Variants in MYBPC3 observed in about 807,000 individuals in gnomAD.
The protein encoded by MYBPC3 is myosin binding protein C3.
MYBPC3 carries 108 observed loss-of-function variants against 159.3 expected under a neutral mutation model. The observed-to-expected ratio is 0.68, with a 90% CI of 0.58 to 0.80. The LOEUF (loss-of-function observed/expected upper bound fraction) is 0.80, where lower values mean the gene tolerates loss of function less well. Ranked by LOEUF, MYBPC3 falls within the 30% of genes least tolerant of loss-of-function variation. The pLI, the probability that MYBPC3 is intolerant of heterozygous loss-of-function variation, is 0.00. For synonymous variants in MYBPC3, 730 were observed against 702.0 expected, an observed-to-expected ratio of 1.04 and a Z score of -0.63; for missense variants, 1,631 against 1,762.1, an observed-to-expected ratio of 0.93 and a Z score of 1.33.
At position 47,350,095 on chromosome 11, in the gene MYBPC3, G is replaced by C. The variant is rs2142868228; in HGVS notation, c.424C>G (p.Leu142Val). ...GGGGCTCCAGGGGTAGGACCATTGA[G>C]AGCTGCTGAGCTTGACCCTGTGAGC... is the stretch of plus-strand genomic sequence containing the variant. ...PSPKGSSSAA[L>V]NGPTPGAPDD... Residue 142 changes from leucine to valine, a missense_variant, in exon 4 of 35, where the codon CTC (leucine) becomes GTC (valine). Leu to Val is a conservative substitution (Grantham distance 32). Coordinates refer to ENST00000545968, the MANE Select transcript of MYBPC3 (RefSeq NM_000256.3). 6.4e-7 allele frequency: 1 copy of C among 1,556,228 alleles called. No individual in the cohort carries two copies. The highest frequency in any genetic ancestry group is 8.7e-7 in the Non-Finnish European group (1 of 1,149,640).
At chr11:47,333,429 C>A in intron 29 of MYBPC3, 96 bp from the exon 30 acceptor site, 1 of 1,503,070 alleles carries the variant, frequency 6.7e-7, no homozygotes, top group South Asian at 1.3e-5. Context: ...CAACCAGGGC[C>A]AGGCCTGCTG....
Position 47,342,864 on chromosome 11 carries a change from A to G in MYBPC3, c.1423T>C (p.Cys475Arg), listed in dbSNP as rs760864668. The G allele has an allele frequency of 6.2e-7, 1 of 1,613,040 alleles. No homozygotes were observed. The highest frequency in any genetic ancestry group is 1.1e-5 in the South Asian group (1 of 90,956). Residue 475 changes from cysteine (C) to arginine (R), a missense_variant, in exon 16 of 35, where the codon TGT (cysteine) becomes CGT (arginine). Coordinates refer to ENST00000545968, the MANE Select transcript of MYBPC3 (RefSeq NM_000256.3). ...TGCGCCCCCTCCTCCGATACTTCACACTCAAACTCCACCCGCTGCCCCACC... is the reference window on the plus strand; with the variant it reads ...TGCGCCCCCTCCTCCGATACTTCACGCTCAAACTCCACCCGCTGCCCCACC... Reference protein sequence around the residue: ...VMVGQRVEFECEVSEEGAQVK... With the variant: ...VMVGQRVEFEREVSEEGAQVK...
At position 47,333,259 on chromosome 11, in the gene MYBPC3, G is replaced by C; in HGVS notation, c.3265C>G (p.Pro1089Ala). The C allele has an allele frequency of 6.3e-7, 1 of 1,587,196 alleles. No individual in the cohort carries two copies. The highest frequency in any genetic ancestry group is 8.6e-7 in the Non-Finnish European group (1 of 1,166,264). ...AGCTCCGTGTTGCCGACATCCTGGG[G>C]TGGCTTCCACTCCAGAGCCACATTA... The part of the protein sequence containing the change: ...GLNVALEWKP[P>A]QDVGNTELWG... The change falls in exon 30 of 35, where the codon CCC becomes GCC. Residue 1089 changes from proline (P) to alanine (A), a missense_variant. By Grantham distance (27) the Pro-to-Ala change is conservative. Transcript: ENST00000545968.
At position 47,342,609 on chromosome 11, in the gene MYBPC3, C is replaced by G. The variant is rs727503199; in HGVS notation, c.1593G>C (p.Gly531=). The G allele has an allele frequency of 1.2e-6, 2 of 1,611,980 alleles. No individual in the cohort carries two copies. The highest frequency in any genetic ancestry group is 1.7e-6 in the Non-Finnish European group (2 of 1,178,792). ...CAATGAGCTCAGCCAGCGCCTGGCC[C>G]CCGCTAGTGCACAGTGCATAGTGCC... ...DAGHYALCTS[G]GQALAELIVQ... Residue 531 remains glycine (G), a synonymous_variant, in exon 17 of 35, where the codon GGG becomes GGC. Coordinates refer to ENST00000545968, the MANE Select transcript of MYBPC3 (RefSeq NM_000256.3).
rs2095884321 is a variant in MYBPC3 at position 47,338,061 on chromosome 11, G to A, written c.2309-267C>T. Among the ~76,000 whole-genome samples the A allele has an allele frequency of 6.7e-6, 1 of 150,274 alleles. No individual in the cohort carries two copies. Among genetic ancestry groups the A allele is most frequent in the African/African-American group, 2.5e-5 (1 of 40,674 alleles). On this transcript the variant is annotated intron_variant, in intron 23 of 34. Transcript: ENST00000545968. The surrounding 1 kb of genome is among the most constrained non-coding windows in gnomAD (Gnocchi z 4.7). Reference sequence around the variant, plus strand: ...CGCCAGCCCTCCGTCAACCCTTTAAGGCTTCTCACTGCCCATATTCACCCC... The same window carrying A: ...CGCCAGCCCTCCGTCAACCCTTTAAAGCTTCTCACTGCCCATATTCACCCC...
rs758253767 is a variant in MYBPC3, at chr11:47,343,090, A to G, written c.1282T>C (p.Leu428=). Residue 428 remains leucine (L), a synonymous_variant, in exon 15 of 35, where the codon TTG becomes CTG. Transcript: ENST00000545968. ...CACTGGTAGGCTGCGTCGTCCGCCA[A>G]TGAGCACTGGCTGATGGTCAGGGTA... ...KRTLTISQCS[L]ADDAAYQCVV... 4.8e-5 allele frequency: 78 copies of G among 1,612,298 alleles called. No homozygotes were observed. Among genetic ancestry groups the G allele is most frequent in the East Asian group, 1.8e-4 (8 of 44,846 alleles).
chr11:47,351,539 G>A lies in MYBPC3; in HGVS notation c.26-34C>T. The A allele has an allele frequency of 6.5e-7, 1 of 1,546,450 alleles. No individual in the cohort carries two copies. Among genetic ancestry groups the A allele is most frequent in the South Asian group, 1.2e-5 (1 of 81,572 alleles). On this transcript the variant is annotated intron_variant, in intron 1 of 34. Transcript: ENST00000545968. This position sits in a 1 kb window ranked among gnomAD's most constrained non-coding sequence, Gnocchi z 4.2. ...CCAGGTGGAGGCTACAGCGGCCCCT[G>A]GTTGGAGCGTGCACCCCGCCCCTGC...
At position 47,338,620 on chromosome 11, in the gene MYBPC3, G is replaced by T. The variant is rs2095885039; in HGVS notation, c.2208C>A (p.Phe736Leu). 6.2e-7 allele frequency: 1 copy of T among 1,613,980 alleles called. No individual in the cohort carries two copies. The change falls in exon 23 of 35, where the codon TTC becomes TTA. Residue 736 changes from phenylalanine (F) to leucine (L), a missense_variant. By Grantham distance (22) the Phe-to-Leu change is conservative. Transcript: ENST00000545968. This position sits in a 1 kb window ranked among gnomAD's most constrained non-coding sequence, Gnocchi z 4.7. ...RVETTKDRSI[F>L]TVEGAEKEDE... ...CTTCCTTCTCTGCCCCCTCGACCGTGAAGATGCTGCGGTCCTTGGTGGTCT... is the reference window on the plus strand; with the variant it reads ...CTTCCTTCTCTGCCCCCTCGACCGTTAAGATGCTGCGGTCCTTGGTGGTCT...
At chr11:47,345,267 G>A (rs866127326) in intron 12 of MYBPC3, among the ~76,000 whole-genome samples, 1 of 152,204 alleles carries the variant, frequency 6.6e-6, no homozygotes, top group Non-Finnish European at 1.5e-5. Context: ...GTGGCATTCA[G>A]GGGATCCCTG....
intron 7 of MYBPC3, 52 bp downstream of exon 7, chr11:47,347,805 G>C (rs11570059): frequency 1.9e-6 from 3 of 1,550,160 alleles, no homozygotes; most frequent in East Asian, 4.9e-5. Flanking sequence ...GACCCTGAAG[G>C]GCCTCAGACT....
rs1595843781 is a variant in MYBPC3, at chr11:47,337,584, C to T, written c.2414-5G>A. The T allele has an allele frequency of 6.2e-7, 1 of 1,613,986 alleles. No individual in the cohort carries two copies. Among genetic ancestry groups the T allele is most frequent in the East Asian group, 2.2e-5 (1 of 44,878 alleles). On this transcript the variant is annotated splice_polypyrimidine_tract_variant and splice_region_variant and intron_variant, in intron 24 of 34. Coordinates refer to ENST00000545968, the MANE Select transcript of MYBPC3 (RefSeq NM_000256.3). The stretch of plus-strand genomic sequence containing the variant: ...TCTTGCGCTCCAGGATGTAGCCTGG[C>T]TCAGGGGAGGTGGCAGCTCTGGTCT...
chr11:47,347,068 G>A (rs2095895060), intron 9 of MYBPC3, 39 bp from the exon 10 acceptor site: 1 of 866,630 alleles, frequency 1.2e-6, no homozygotes, highest in Non-Finnish European at 2.0e-6. Flanking sequence ...GAGGGGCCGG[G>A]GGAGAGGGAG....
Position 47,350,113 on chromosome 11 carries a change from C to T in MYBPC3, c.407-1G>A, listed in dbSNP as rs185449721. On this transcript the variant is annotated splice_acceptor_variant, in intron 3 of 34. Transcript: ENST00000545968. LOFTEE classifies it high-confidence loss of function. ...CCATTGAGAGCTGCTGAGCTTGACCCTGTGAGCAAAGGCTTTTTCTGTTTG... is the reference window on the plus strand; with the variant it reads ...CCATTGAGAGCTGCTGAGCTTGACCTTGTGAGCAAAGGCTTTTTCTGTTTG... The T allele has an allele frequency of 1.3e-6, 2 of 1,552,948 alleles. No individual in the cohort carries two copies. Among genetic ancestry groups the T allele is most frequent in the Non-Finnish European group, 8.7e-7 (1 of 1,147,928 alleles).
intron 1 of MYBPC3, among the ~76,000 whole-genome samples, chr11:47,352,279 C>T (rs372107734): frequency 1.3e-5 from 2 of 152,096 alleles, no homozygotes; most frequent in Non-Finnish European, 2.9e-5. Context: ...CCATACTAAA[C>T]GTGGGCTCTG....
rs2095891071 is a variant in MYBPC3 at position 47,343,367 on chromosome 11, T to C, written c.1224-105A>G. Reference sequence around the variant, plus strand: ...CGGCAGGAGCAAAAGGATGGGAAATTAGGCCCAGAGAGATGGGGCTGAGAG... The same window carrying C: ...CGGCAGGAGCAAAAGGATGGGAAATCAGGCCCAGAGAGATGGGGCTGAGAG... On this transcript the variant is annotated intron_variant, in intron 13 of 34. Coordinates refer to ENST00000545968, the MANE Select transcript of MYBPC3 (RefSeq NM_000256.3). 3 of 1,478,980 alleles carry C rather than the reference T, an allele frequency of 2.0e-6. No individual in the cohort carries two copies. In the Admixed American group the frequency reaches 7.0e-5, roughly 35 times the overall value. 91.6% of individuals were successfully genotyped at this position (1,478,980 alleles called of 1,614,324 possible). A position where few individuals can be genotyped will look rare whatever the true frequency, so the allele number is the denominator to read the frequency against.
rs1278226452 is a variant in MYBPC3 at position 47,332,213 on chromosome 11, C to T, written c.3673G>A (p.Ala1225Thr). ...TGCTTGCTGAACATGCGGAAGCGGG[C>T]GTCTTCTCCCAGGTCCAGGCCATTC... ...FKNGLDLGED[A>T]RFRMFSKQGV... is the part of the protein sequence containing the mutation. Residue 1225 changes from alanine (A) to threonine (T), a missense_variant, in exon 33 of 35, where the codon GCC (alanine) becomes ACC (threonine). By Grantham distance (58) the Ala-to-Thr change is moderately conservative (BLOSUM62 0). Transcript: ENST00000545968. This position sits in a 1 kb window ranked among gnomAD's most constrained non-coding sequence, Gnocchi z 4.2. 15 of 1,613,734 alleles carry T rather than the reference C, an allele frequency of 9.3e-6. No homozygotes were observed. The highest frequency in any genetic ancestry group is 1.6e-4 in the Middle Eastern group (1 of 6,084).
Position 47,346,671 on chromosome 11 carries a change from A to C in MYBPC3, c.909-27T>G. ...TGCTCCAGGGGTGGGGGTGGGAGAA[A>C]GGGTAGGTGGCACATGAGAGGTATG... On this transcript the variant is annotated intron_variant, in intron 10 of 34. Coordinates refer to ENST00000545968, the MANE Select transcript of MYBPC3 (RefSeq NM_000256.3). The surrounding 1 kb of genome is among the most constrained non-coding windows in gnomAD (Gnocchi z 5.3). The C allele has an allele frequency of 1.3e-6, 2 of 1,597,034 alleles. No individual in the cohort carries two copies. The highest frequency in any genetic ancestry group is 1.7e-6 in the Non-Finnish European group (2 of 1,170,784).
chr11:47,342,972 T>C lies in MYBPC3; in HGVS notation c.1352-37A>G, dbSNP rs766874303. Reference sequence around the variant, plus strand: ...GGGTGAGCATGAGGGTTGGCTCCCCTGAGGCCATCTCCTCCCCAGGTTCCC... The same window carrying C: ...GGGTGAGCATGAGGGTTGGCTCCCCCGAGGCCATCTCCTCCCCAGGTTCCC... On this transcript the variant is annotated intron_variant, in intron 15 of 34. Transcript: ENST00000545968. The C allele has an allele frequency of 6.2e-6, 10 of 1,612,072 alleles. No homozygotes were observed. In the Admixed American group the frequency reaches 1.5e-4, roughly 24 times the overall value.
At chr11:47,348,396 C>A in intron 6 of MYBPC3, 28 bp downstream of exon 6, 2 of 1,548,226 alleles carry the variant, frequency 1.3e-6, no homozygotes, top group South Asian at 1.1e-5. Flanking sequence ...GGAGCCCGAG[C>A]CCAGGACAGA....
Sources: gnomAD v4.1 joint callset for allele counts (sites outside exome capture counted in the v4.1 genomes callset) on GRCh38, gnomAD v4.1.1 for gene constraint, Gnocchi (gnomAD v3.1) non-coding constraint, MANE v1.5 for transcripts, NCBI Gene and HGNC (gene_info 2026-07-23, HGNC 2026-07-21) for gene names.